Variants in GAK observed in about 807,000 individuals in gnomAD.
The protein encoded by GAK is cyclin-G-associated kinase.
In GAK, 79 loss-of-function variants were observed where a neutral mutation model predicts 143.9. The ratio of observed to expected loss-of-function variants is 0.55; its 90% CI spans 0.46 to 0.66. The LOEUF (loss-of-function observed/expected upper bound fraction) is 0.66. Ranked by LOEUF, GAK falls within the 30% of genes least tolerant of loss-of-function variation. The pLI is 0.00. For synonymous variants in GAK, 881 were observed against 765.5 expected (o/e 1.15, Z -2.49); for missense variants, 1,693 against 1,779.7 (o/e 0.95, Z 0.88).
At chr4:872,203 C>CT (rs1712794112) in intron 18 of GAK, 1 of 152,284 alleles carries the variant, frequency 6.6e-6, no homozygotes, top group Non-Finnish European at 1.5e-5. Context: ...TGCTCACCCT[C>CT]TAAAACATCC....
rs949821058 is a variant in GAK at position 866,409 on chromosome 4, G to A, written c.2998C>T (p.His1000Tyr). 8.1e-6 allele frequency: 13 copies of A among 1,614,084 alleles called. No individual in the cohort carries two copies. Among genetic ancestry groups the A allele is most frequent in the Non-Finnish European group, 1.0e-5 (12 of 1,179,948 alleles). Residue 1000 changes from histidine to tyrosine, a missense_variant, in exon 22 of 28, where the codon CAC (histidine) becomes TAC (tyrosine). His to Tyr is a moderately conservative substitution (Grantham distance 83). Transcript: ENST00000314167. ...VTVPPSFPSA[H>Y]SAPPPSCSAD... is the part of the protein sequence containing the mutation. ...CTGCAGGATGGGGGCGGAGCACTGT[G>A]GGCAGACGGGAAGGATGGTGGGACG...
intron 4 of GAK, among the ~76,000 whole-genome samples, chr4:905,581 C>G (rs970826380): frequency 6.6e-6 from 1 of 151,500 alleles, no homozygotes; most frequent in Non-Finnish European, 1.5e-5. Flanking sequence ...GACTTCGCCA[C>G]GCCCCAGGCC....
chr4:867,520 G>A lies in GAK; in HGVS notation c.2396-88C>T, dbSNP rs954905100. The A allele has an allele frequency of 2.7e-5, 20 of 743,256 alleles. No homozygotes were observed. In the African/African-American group the frequency reaches 3.2e-4, roughly 12 times the overall value. 46.0% of individuals were successfully genotyped at this position (743,256 alleles called of 1,614,324 possible). On this transcript the variant is annotated intron_variant, in intron 20 of 27. Coordinates refer to ENST00000314167, the MANE Select transcript of GAK (RefSeq NM_005255.4). ...GGCGCGTCCCTTCAGGGCCTCCTCG[G>A]CCCAGGGCCTTGGTGAACACACGTG...
chr4:879,055 CAG>C (rs1177689255), intron 15 of GAK, among the ~76,000 whole-genome samples: 1 of 152,224 alleles, frequency 6.6e-6, no homozygotes, highest in Non-Finnish European at 1.5e-5. Flanking sequence ...TCGGCTTTCT[CAG>C]AGTCAGTGCG....
chr4:849,904 C>T lies in GAK; in HGVS notation c.3822G>A (p.Val1274=), dbSNP rs1353046945. ...CAGCTCTGCTCACCTTGTCGGGGTGCACAGCCAGCACCGCGCGGCGATAGT... is the reference window on the plus strand; with the variant it reads ...CAGCTCTGCTCACCTTGTCGGGGTGTACAGCCAGCACCGCGCGGCGATAGT... ...KKHYRRAVLA[V]HPDKAAGQPY... Residue 1274 remains valine (V), a synonymous_variant, in exon 27 of 28, where the codon GTG becomes GTA. Transcript: ENST00000314167. The T allele has an allele frequency of 6.4e-7, 1 of 1,564,244 alleles. No individual in the cohort carries two copies. The highest frequency in any genetic ancestry group is 1.8e-5 in the Admixed American group (1 of 55,598).
intron 1 of GAK, among the ~76,000 whole-genome samples, chr4:923,318 T>C (rs1724186691): frequency 6.6e-6 from 1 of 151,902 alleles, no homozygotes; most frequent in Non-Finnish European, 1.5e-5. Flanking sequence ...GAATGGCATG[T>C]CGGGTACCTC....
At chr4:880,788 C>G (rs1408920031) in intron 15 of GAK, among the ~76,000 whole-genome samples, 2 of 152,198 alleles carry the variant, frequency 1.3e-5, no homozygotes, top group Admixed American at 6.5e-5. Flanking sequence ...GTGGGAGCAG[C>G]ACTCTGCACA....
At chr4:907,878 C>T (rs573091467) in intron 4 of GAK, among the ~76,000 whole-genome samples, 32 of 152,276 alleles carry the variant, frequency 2.1e-4, no homozygotes, top group Admixed American at 8.5e-4. Flanking sequence ...AGCTGGCGCG[C>T]GCATGCGTTA....
intron 4 of GAK, among the ~76,000 whole-genome samples, chr4:905,174 G>A (rs1435239368): frequency 2.6e-5 from 4 of 152,162 alleles, no homozygotes; most frequent in Admixed American, 1.3e-4. Context: ...ATTTGGACCC[G>A]AGAAGATTCT....
chr4:859,774 A>G (rs767931263), intron 23 of GAK, 52 bp from the exon 24 acceptor site: 1 of 1,326,956 alleles, frequency 7.5e-7, no homozygotes, highest in Admixed American at 2.1e-5. Flanking sequence ...AGCGAAACAC[A>G]TCCTCCTGGG....
At chr4:913,704 GATTTT>G in intron 1 of GAK, 36 bp from the exon 2 acceptor site, 2 of 1,530,036 alleles carry the variant, frequency 1.3e-6, no homozygotes, top group Non-Finnish European at 1.8e-6. Context: ...TCAATGCTAT[GATTTT>G]ATTTAACATA....
chr4:898,303 T>A, intron 5 of GAK, 145 bp from the exon 6 acceptor site: 1 of 775,890 alleles, frequency 1.3e-6, no homozygotes, highest in Non-Finnish European at 2.1e-6. Context: ...CTGCAGCACC[T>A]CACACCTGCG....
chr4:870,928 T>A, intron 18 of GAK, 24 bp from the exon 19 acceptor site: 1 of 1,586,950 alleles, frequency 6.3e-7, no homozygotes, highest in South Asian at 1.1e-5. Flanking sequence ...TAGACACCAC[T>A]TAGGAAGGCC....
Position 849,588 on chromosome 4 carries a change from C to G in GAK, c.*85G>C. ...CCACCCTGGCCACACCTGCTGTCGCCCACGGGGTCCTCACGGTGGGGACCC... is the reference window on the plus strand; with the variant it reads ...CCACCCTGGCCACACCTGCTGTCGCGCACGGGGTCCTCACGGTGGGGACCC... On this transcript the variant is annotated 3_prime_UTR_variant, in exon 28 of 28. Transcript: ENST00000314167. The G allele has an allele frequency of 9.3e-7, 1 of 1,080,444 alleles. No homozygotes were observed. Among genetic ancestry groups the G allele is most frequent in the Non-Finnish European group, 1.4e-6 (1 of 719,218 alleles). 66.9% of individuals were successfully genotyped at this position (1,080,444 alleles called of 1,614,324 possible).
In GAK at chr4:932,222, G is replaced by A; in HGVS notation, c.-35C>T. 6.6e-7 allele frequency: 1 copy of A among 1,508,174 alleles called. No individual in the cohort carries two copies. Among genetic ancestry groups the A allele is most frequent in the Non-Finnish European group, 8.8e-7 (1 of 1,131,926 alleles). The allele number at this position is 1,508,174 out of a possible 1,614,324, so 93.4% of individuals were successfully genotyped here. ...TGCGCCGCACCCCGCGGCAGCCGGA[G>A]TGGTCGGGCTCGGGCTCCCGCTCCC... On this transcript the variant is annotated 5_prime_UTR_variant, in exon 1 of 28. Transcript: ENST00000314167. The surrounding 1 kb of genome is among the most constrained non-coding windows in gnomAD (Gnocchi z 4.0).
intron 13 of GAK, 124 bp downstream of exon 13, chr4:883,191 C>T (rs1484395014): frequency 1.7e-6 from 2 of 1,143,508 alleles, no homozygotes; most frequent in African/African-American, 3.1e-5. Flanking sequence ...CTCTGCAGCC[C>T]CTCAGGAGAC....
intron 18 of GAK, among the ~76,000 whole-genome samples, chr4:871,282 C>T (rs1712560744): frequency 6.6e-6 from 1 of 152,258 alleles, no homozygotes. Flanking sequence ...CATCCCACAG[C>T]TGGAGACTCC....
intron 11 of GAK, 94 bp from the exon 12 acceptor site, chr4:884,180 G>A (rs1190444406): frequency 2.5e-5 from 28 of 1,111,704 alleles, no homozygotes; most frequent in South Asian, 5.3e-5. Flanking sequence ...TGGAGAAGCC[G>A]TGGGGCTCTC....
chr4:865,080 T>A (rs761306124), intron 23 of GAK, 42 bp downstream of exon 23: 2 of 1,526,030 alleles, frequency 1.3e-6, no homozygotes, highest in Non-Finnish European at 1.8e-6. Flanking sequence ...CCACAGCAGC[T>A]GCACGTCTGG....
Sources: gnomAD v4.1 joint callset for allele counts (sites outside exome capture counted in the v4.1 genomes callset) on GRCh38, gnomAD v4.1.1 for gene constraint, Gnocchi (gnomAD v3.1) non-coding constraint, MANE v1.5 for transcripts, NCBI Gene and HGNC (gene_info 2026-07-23, HGNC 2026-07-21) for gene names.